The following MIPOL1 variants were observed in gnomAD, a reference collection of about 807,000 sequenced individuals.
MIPOL1 encodes the protein mirror-image polydactyly 1.
A neutral mutation model predicts 60.9 loss-of-function variants in MIPOL1; 57 were observed. The ratio of observed to expected loss-of-function variants is 0.94; its 90% CI spans 0.76 to 1.17. MIPOL1 has a LOEUF of 1.17. Among genes scored for constraint, MIPOL1 ranks in the 50% most tolerant of loss-of-function variants. The pLI, the probability that MIPOL1 is intolerant of heterozygous loss-of-function variation, is 0.00. For synonymous variants in MIPOL1, 179 were observed against 168.8 expected (o/e 1.06, Z -0.47); for missense variants, 551 against 511.6 (o/e 1.08, Z -0.74).
At chr14:37,273,686 A>G (rs2083453251) in intron 6 of MIPOL1, among the ~76,000 whole-genome samples, 2 of 151,522 alleles carry the variant, frequency 1.3e-5, no homozygotes, top group South Asian at 2.1e-4. Context: ...GGGAAGACCA[A>G]AATCCTTAGA....
At chr14:37,463,583 T>A (rs2094565052) in intron 11 of MIPOL1, among the ~76,000 whole-genome samples, 1 of 152,158 alleles carries the variant, frequency 6.6e-6, no homozygotes, top group Admixed American at 6.6e-5. Context: ...TGGACCCCTC[T>A]CTCTCACCAT....
intron 12 of MIPOL1, among the ~76,000 whole-genome samples, chr14:37,528,285 T>G (rs2095459820): frequency 6.6e-6 from 1 of 152,000 alleles, no homozygotes; most frequent in Admixed American, 6.6e-5. Context: ...ATATAATCTT[T>G]TACATATGAA....
At chr14:37,488,412 C>A (rs1161934981) in intron 11 of MIPOL1, among the ~76,000 whole-genome samples, 1 of 151,750 alleles carries the variant, frequency 6.6e-6, no homozygotes, top group Non-Finnish European at 1.5e-5. Context: ...CTAATATGGA[C>A]AATGGGGTGT....
rs1300259027 is a variant in MIPOL1, at chr14:37,509,085, C to G, written c.1262+8947C>G. ...TAAAGATTTTATTTTTCTTGTACCT[C>G]TACACAATTCCCGGGAATGTCATCT... On this transcript the variant is annotated intron_variant, in intron 12 of 12. Transcript: ENST00000684589. Among the ~76,000 whole-genome samples, 7 of 152,136 alleles carry G rather than the reference C, an allele frequency of 4.6e-5. No homozygotes were observed. The East Asian group carries it at 1.4e-3, about 29-fold the overall frequency.
At chr14:37,319,602 T>C (rs574762931) in intron 9 of MIPOL1, among the ~76,000 whole-genome samples, 9 of 152,258 alleles carry the variant, frequency 5.9e-5, no homozygotes, top group Non-Finnish European at 1.3e-4. Context: ...GATGAGGTTC[T>C]AAACAAGAAA....
At chr14:37,361,175 C>G (rs1424404625) in intron 9 of MIPOL1, among the ~76,000 whole-genome samples, 1 of 152,294 alleles carries the variant, frequency 6.6e-6, no homozygotes, top group South Asian at 2.1e-4. Flanking sequence ...GCACTGTGGT[C>G]TGAGAGACAG....
chr14:37,381,275 C>T (rs534535647), intron 10 of MIPOL1, among the ~76,000 whole-genome samples: 3 of 152,160 alleles, frequency 2.0e-5, no homozygotes, highest in South Asian at 4.2e-4. Context: ...GAAGCCTTGA[C>T]TCTTGTAAAT....
chr14:37,364,535 G>C (rs1295319892), intron 9 of MIPOL1, among the ~76,000 whole-genome samples: 4 of 152,140 alleles, frequency 2.6e-5, no homozygotes, highest in African/African-American at 4.8e-5. Context: ...TTAGTTCACT[G>C]TAGGTGTGTA....
intron 9 of MIPOL1, among the ~76,000 whole-genome samples, chr14:37,317,457 T>C (rs1300687962): frequency 6.6e-6 from 1 of 152,130 alleles, no homozygotes; most frequent in East Asian, 1.9e-4. Flanking sequence ...AGTAGTGTGG[T>C]GTAGTAGATA....
At chr14:37,210,601 G>T (rs950529673) in intron 1 of MIPOL1, among the ~76,000 whole-genome samples, 6 of 152,042 alleles carry the variant, frequency 3.9e-5, no homozygotes, top group African/African-American at 1.4e-4. Flanking sequence ...CGGGCAGGGG[G>T]CTAGAGAATG....
At chr14:37,330,060 G>A (rs952916335) in intron 9 of MIPOL1, among the ~76,000 whole-genome samples, 3 of 151,986 alleles carry the variant, frequency 2.0e-5, no homozygotes, top group African/African-American at 7.2e-5. Flanking sequence ...AAATGCTTTT[G>A]CAGCACTGAA....
At chr14:37,526,708 C>T (rs1029315007) in intron 12 of MIPOL1, among the ~76,000 whole-genome samples, 1 of 152,044 alleles carries the variant, frequency 6.6e-6, no homozygotes, top group East Asian at 1.9e-4. Flanking sequence ...TCTGCTGTTA[C>T]AGACAGTGCT....
intron 12 of MIPOL1, among the ~76,000 whole-genome samples, chr14:37,515,538 A>C (rs1191574130): frequency 2.6e-5 from 4 of 152,190 alleles, no homozygotes; most frequent in African/African-American, 9.7e-5. Flanking sequence ...TGTATATGTA[A>C]AAGCATATGT....
intron 11 of MIPOL1, among the ~76,000 whole-genome samples, chr14:37,426,591 A>ATATATATATATATATATATATATATG (rs2093968622): frequency 7.1e-6 from 1 of 140,314 alleles, no homozygotes; most frequent in African/African-American, 2.6e-5. Flanking sequence ...ATATATATAT[A>ATATATATATATATATATATATATATG]TATACACACA....
chr14:37,403,432 C>CTTTTTTTTTTTTTTTTTTTTTTTTTTTT (rs11415779), intron 10 of MIPOL1, among the ~76,000 whole-genome samples: 1 of 94,118 alleles, frequency 1.1e-5, no homozygotes, highest in African/African-American at 4.2e-5. Context: ...AGGTTTCTAG[C>CTTTTTTTTTTTTTTTTTTTTTTTTTTTT]TTTTTTTTTT....
At chr14:37,230,580 T>C (rs941959254) in intron 1 of MIPOL1, among the ~76,000 whole-genome samples, 1 of 152,212 alleles carries the variant, frequency 6.6e-6, no homozygotes, top group South Asian at 2.1e-4. Context: ...TTTTATAAGA[T>C]GTTGAAGAAA....
At chr14:37,203,119 T>G (rs1965577047) in intron 1 of MIPOL1, among the ~76,000 whole-genome samples, 1 of 152,170 alleles carries the variant, frequency 6.6e-6, no homozygotes, top group African/African-American at 2.4e-5. Flanking sequence ...TTGTCAGCAT[T>G]GTATTATTAT....
chr14:37,219,776 T>G (rs1968430309), intron 1 of MIPOL1: 2 of 152,228 alleles, frequency 1.3e-5, no homozygotes, highest in Admixed American at 1.3e-4. Context: ...CCGACTATAA[T>G]TATGGATTTG....
chr14:37,363,957 C>G (rs991213390), intron 9 of MIPOL1, among the ~76,000 whole-genome samples: 1 of 152,226 alleles, frequency 6.6e-6, no homozygotes, highest in East Asian at 1.9e-4. Flanking sequence ...GGGAGAAAAT[C>G]TCCTGGTCTG....
Sources: allele counts gnomAD v4.1 joint callset (sites outside exome capture counted in the v4.1 genomes callset), GRCh38; gene constraint gnomAD v4.1.1; transcripts MANE v1.5; gene names NCBI Gene and HGNC (gene_info 2026-07-23, HGNC 2026-07-21).